The following ANKRD26 variants were observed in gnomAD, a reference collection of about 807,000 sequenced individuals.
The protein encoded by ANKRD26 is ankyrin repeat domain 26.
ANKRD26 carries 141 observed loss-of-function variants against 208.7 expected under a neutral mutation model. That is an observed-to-expected ratio of 0.68 (90% CI 0.59 to 0.78). ANKRD26 has a LOEUF of 0.78. ANKRD26 is among the 30% of genes least tolerant of loss of function. The pLI is 0.00. For synonymous variants in ANKRD26, 636 were observed against 660.4 expected (o/e 0.96, Z 0.57); for missense variants, 1,889 against 1,938.7 (o/e 0.97, Z 0.48).
At chr10:27,026,319 G>A (rs11015459) in intron 27 of ANKRD26, among the ~76,000 whole-genome samples, 13,023 of 152,200 alleles carry the variant, frequency 0.086, 686 homozygotes, top group African/African-American at 0.15. Flanking sequence ...CAGGTTTTGA[G>A]TACTTTTACT....
At chr10:27,039,926 CAAAT>C in intron 21 of ANKRD26, 35 bp downstream of exon 21, 1 of 1,569,270 alleles carries the variant, frequency 6.4e-7, no homozygotes, top group Non-Finnish European at 8.8e-7. Flanking sequence ...ATCTTTAGTA[CAAAT>C]AGTTAAACAT....
intron 32 of ANKRD26, among the ~76,000 whole-genome samples, chr10:27,010,495 T>C (rs2053060857): frequency 6.6e-6 from 1 of 152,126 alleles, no homozygotes; most frequent in African/African-American, 2.4e-5. Context: ...AGGTTTTTTG[T>C]TATTGTTTTG....
chr10:27,087,543 T>A (rs1442343475), intron 4 of ANKRD26, among the ~76,000 whole-genome samples: 1 of 152,238 alleles, frequency 6.6e-6, no homozygotes, highest in Non-Finnish European at 1.5e-5. Flanking sequence ...CCAATCCCAG[T>A]GAATTTCATA....
At chr10:27,022,385 A>G (rs1244309255) in intron 29 of ANKRD26, among the ~76,000 whole-genome samples, 173 bp downstream of exon 29, 1 of 152,162 alleles carries the variant, frequency 6.6e-6, no homozygotes, top group Non-Finnish European at 1.5e-5. Flanking sequence ...TTAACTACAT[A>G]ACAAACCTGC....
chr10:27,027,740 A>C (rs140272675), intron 27 of ANKRD26, among the ~76,000 whole-genome samples: 33 of 152,302 alleles, frequency 2.2e-4, no homozygotes, highest in African/African-American at 6.0e-4. Flanking sequence ...ATATTCTTAC[A>C]TACAGATAGT....
At chr10:27,049,028 A>G in intron 16 of ANKRD26, 49 bp from the exon 17 acceptor site, 1 of 1,441,426 alleles carries the variant, frequency 6.9e-7, no homozygotes, top group Non-Finnish European at 9.5e-7. Flanking sequence ...TTATTCAATA[A>G]TAATTTCTTT....
chr10:27,060,782 A>C (rs2055026290), intron 13 of ANKRD26, among the ~76,000 whole-genome samples: 1 of 152,262 alleles, frequency 6.6e-6, no homozygotes, highest in Non-Finnish European at 1.5e-5. Context: ...TTATGTTCCA[A>C]GTGACTATAA....
At chr10:26,961,614 C>G in the ANKRD26 span, among the ~76,000 whole-genome samples, 1 of 152,100 alleles carries the variant, frequency 6.6e-6, no homozygotes, top group Admixed American at 6.5e-5. Flanking sequence ...GATGCCAAAG[C>G]AGGAGGATTG....
intron 12 of ANKRD26, chr10:27,062,314 C>T (rs2055086997): frequency 1.5e-6 from 1 of 667,282 alleles, no homozygotes; most frequent in Admixed American, 6.3e-5. Flanking sequence ...TTATTCTGAT[C>T]CTGTTATGCC....
chr10:26,993,497 T>C (rs969552961), intron 5 of ANKRD26, among the ~76,000 whole-genome samples: 6 of 152,186 alleles, frequency 3.9e-5, no homozygotes, highest in African/African-American at 1.4e-4. Flanking sequence ...GGTGATTCAG[T>C]TAAACTAATC....
chr10:27,031,903 AG>A (rs2053875062), intron 25 of ANKRD26, among the ~76,000 whole-genome samples: 1 of 152,200 alleles, frequency 6.6e-6, no homozygotes, highest in African/African-American at 2.4e-5. Context: ...TTTGGAGAAA[AG>A]TTAATGGCCT....
intron 4 of ANKRD26, among the ~76,000 whole-genome samples, chr10:27,089,324 G>T (rs933098991): frequency 1.3e-5 from 2 of 152,308 alleles, no homozygotes; most frequent in East Asian, 3.9e-4. Flanking sequence ...TGGCCCCCAG[G>T]GGGACAGTTC....
At chr10:27,045,642 T>C (rs1288026187) in intron 18 of ANKRD26, among the ~76,000 whole-genome samples, 1 of 152,156 alleles carries the variant, frequency 6.6e-6, no homozygotes, top group Non-Finnish European at 1.5e-5. Flanking sequence ...CTTTTAGTCT[T>C]ACAAAATCAT....
At chr10:27,080,705 G>A in intron 6 of ANKRD26, 1 of 985,436 alleles carries the variant, frequency 1.0e-6, no homozygotes, top group Non-Finnish European at 1.2e-6. Context: ...TTCAGCCTAT[G>A]AAGGCACAAA....
chr10:27,016,979 A>T (rs1020200212), intron 30 of ANKRD26, among the ~76,000 whole-genome samples: 8 of 152,130 alleles, frequency 5.3e-5, no homozygotes, highest in Non-Finnish European at 7.4e-5. Flanking sequence ...CTTGAAGCCA[A>T]GAGTTCGAGA....
chr10:27,075,916 C>T (rs2055683149), intron 9 of ANKRD26, among the ~76,000 whole-genome samples: 1 of 152,140 alleles, frequency 6.6e-6, no homozygotes, highest in South Asian at 2.1e-4. Context: ...CAGACCACAG[C>T]AGAATACATA....
In ANKRD26 at chr10:27,033,332, T is replaced by G; in HGVS notation, c.3700A>C (p.Lys1234Gln). Residue 1234 changes from lysine to glutamine, a missense_variant, in exon 25 of 34, where the codon AAA becomes CAA. Lys to Gln is a moderately conservative substitution (Grantham distance 53, BLOSUM62 1). This residue lies in a region of ANKRD26 where 613 missense variants were observed against 648.2 expected (regional missense o/e 0.95). Coordinates refer to ENST00000376087, the MANE Select transcript of ANKRD26 (RefSeq NM_014915.3). ...LQQELADTLKKQSMSEASLEV... is the reference protein window; with the variant it reads ...LQQELADTLKQQSMSEASLEV... ...AGTGAAGCCTCTGACATAGATTGTT[T>G]TTTTAGGGTATCAGCTAGTTCTTGT... The G allele has an allele frequency of 6.2e-7, 1 of 1,612,058 alleles. No homozygotes were observed. The highest frequency in any genetic ancestry group is 8.5e-7 in the Non-Finnish European group (1 of 1,178,638).
At chr10:27,094,289 C>T (rs1564438118) in intron 1 of ANKRD26, among the ~76,000 whole-genome samples, 4 of 152,248 alleles carry the variant, frequency 2.6e-5, no homozygotes, top group Middle Eastern at 3.4e-3. Context: ...GACTAATACA[C>T]ATGTTAATCC....
At position 27,064,024 on chromosome 10, in the gene ANKRD26, C is replaced by T. The variant is rs199787000; in HGVS notation, c.1327G>A (p.Gly443Arg). ...TCATTTCCTATATTTTTTTCTTTTC[C>T]GTCTGCAGCCCCAGCTAAAGGATCA... Reference protein sequence around the residue: ...YVDPLAGAADGKEKNIGNEQA... With the variant: ...YVDPLAGAADRKEKNIGNEQA... The change falls in exon 12 of 34, where the codon GGA becomes AGA. Residue 443 changes from glycine to arginine, a missense_variant. Physicochemically the swap from Gly to Arg is moderately radical, Grantham distance 125. Around this residue, in one of 3 missense-constraint regions of ANKRD26, gnomAD observed 1,272 missense variants for 1,273.8 expected, o/e 1.00. Transcript: ENST00000376087. The T allele has an allele frequency of 1.5e-4, 241 of 1,610,866 alleles. No homozygotes were observed. The highest frequency in any genetic ancestry group is 1.8e-4 in the Non-Finnish European group (218 of 1,179,532).
Sources: allele counts gnomAD v4.1 joint callset (sites outside exome capture counted in the v4.1 genomes callset), GRCh38; gene constraint gnomAD v4.1.1; regional missense constraint gnomAD v4.1.1; transcripts MANE v1.5; gene names NCBI Gene and HGNC (gene_info 2026-07-23, HGNC 2026-07-21).